Variants in FUNDC2 observed in about 807,000 individuals in gnomAD.
The protein encoded by FUNDC2 is FUN14 domain-containing protein 2.
A neutral mutation model predicts 15.6 loss-of-function variants in FUNDC2; 4 were observed. That is an observed-to-expected ratio of 0.26 (90% confidence interval 0.13 to 0.59). The LOEUF (loss-of-function observed/expected upper bound fraction) is 0.59, where lower values mean the gene tolerates loss of function less well. Ranked by LOEUF, FUNDC2 falls within the 20% of genes least tolerant of loss-of-function variation. The pLI, the probability that FUNDC2 is intolerant of heterozygous loss-of-function variation, is 0.90. For synonymous variants in FUNDC2, 44 were observed against 56.9 expected, an observed-to-expected ratio of 0.77 and a Z score of 1.02; for missense variants, 98 against 149.7, an observed-to-expected ratio of 0.65 and a Z score of 1.80.
chrX:155,033,912 T>C (rs1159803615), intron 2 of FUNDC2, among the ~76,000 whole-genome samples: 1 of 112,626 alleles, frequency 8.9e-6, no homozygotes, highest in Non-Finnish European at 1.9e-5. Context: ...TAACTACTTA[T>C]TAGCTATGTC....
chrX:155,043,393 G>A (rs902014302), intron 2 of FUNDC2, among the ~76,000 whole-genome samples: 2 of 111,734 alleles, frequency 1.8e-5, no homozygotes, highest in Non-Finnish European at 3.8e-5. Context: ...GTTTCTTTTA[G>A]TTTATTTTTT....
intron 1 of FUNDC2, among the ~76,000 whole-genome samples, chrX:155,032,280 CTTTTTTTTTTTT>C (rs200923469): frequency 1.6e-5 from 1 of 62,748 alleles, no homozygotes; most frequent in African/African-American, 6.6e-5. Flanking sequence ...CTGGTGCCTT[CTTTTTTTTTTTT>C]TTTTTTTTTT....
Position 155,054,710 on chromosome X carries a change from C to T in FUNDC2, c.*38C>T. On this transcript the variant is annotated 3_prime_UTR_variant, in exon 5 of 5. Transcript: ENST00000369498. ...CATGTTCATTGTTCCTGGTTTTTTCCAGCCAGCAGCCTCTACACTCCATCA... is the reference window on the plus strand; with the variant it reads ...CATGTTCATTGTTCCTGGTTTTTTCTAGCCAGCAGCCTCTACACTCCATCA... The T allele has an allele frequency of 4.6e-6, 5 of 1,087,920 alleles. No homozygotes were observed. The highest frequency in any genetic ancestry group is 6.4e-6 in the Non-Finnish European group (5 of 783,615). The allele number at this position is 1,087,920 out of a possible 1,213,427, so 89.7% of individuals were successfully genotyped here.
chrX:155,028,473 GT>G (rs2073803577), intron 1 of FUNDC2, among the ~76,000 whole-genome samples: 1 of 111,732 alleles, frequency 8.9e-6, no homozygotes, highest in African/African-American at 3.3e-5. Context: ...ATGTTTTGTT[GT>G]TACATTAGAA....
chrX:155,048,476 T>C (rs2073870147), intron 3 of FUNDC2, among the ~76,000 whole-genome samples: 1 of 112,415 alleles, frequency 8.9e-6, no homozygotes, highest in Non-Finnish European at 1.9e-5. Context: ...GTGACTCTGG[T>C]TTCTGTGTTC....
chrX:155,035,403 A>G (rs1447224809), intron 2 of FUNDC2, among the ~76,000 whole-genome samples: 1 of 112,162 alleles, frequency 8.9e-6, no homozygotes, highest in African/African-American at 3.2e-5. Context: ...TTTAATAAAT[A>G]GGTATATTAT....
intron 3 of FUNDC2, chrX:155,047,367 AG>A (rs2073865878): frequency 2.9e-6 from 1 of 342,547 alleles, no homozygotes; most frequent in Non-Finnish European, 5.9e-6. Flanking sequence ...CTCTTCCCAC[AG>A]TTGGCAACCC....
rs187402436 is a variant in FUNDC2, at chrX:155,056,385, A to G, written c.*1713A>G. On this transcript the variant is annotated 3_prime_UTR_variant, in exon 5 of 5. Transcript: ENST00000369498. Reference sequence around the variant, plus strand: ...CATATCAGACATTAACAGTAATTACATAATATCCAAAATCTGATCAGTGTT... The same window carrying G: ...CATATCAGACATTAACAGTAATTACGTAATATCCAAAATCTGATCAGTGTT... 1 of 112,045 alleles carries G rather than the reference A, an allele frequency of 8.9e-6. No individual in the cohort carries two copies. Among genetic ancestry groups the G allele is most frequent in the East Asian group, 2.8e-4 (1 of 3,591 alleles). The allele number at this position is 112,045 out of a possible 1,213,427, so 9.2% of individuals were successfully genotyped here.
intron 4 of FUNDC2, 64 bp downstream of exon 4, chrX:155,051,865 A>G: frequency 1.8e-6 from 2 of 1,084,236 alleles, no homozygotes; most frequent in Admixed American, 2.3e-5. Context: ...GCTTAACCCT[A>G]TTGTACCATA....
chrX:155,038,067 A>G (rs1396550522), intron 2 of FUNDC2, among the ~76,000 whole-genome samples: 1 of 108,716 alleles, frequency 9.2e-6, no homozygotes, highest in Admixed American at 9.9e-5. Flanking sequence ...TCTCTACAAA[A>G]AATAGAAAAA....
rs1557291110 is a variant in FUNDC2, at chrX:155,057,113, G to A, written c.*2441G>A. ...CTGTGACCACTTGGGATTGTGCAGA[G>A]CTGGCATGGAGGTTGAACACGCACA... On this transcript the variant is annotated 3_prime_UTR_variant, in exon 5 of 5. Coordinates refer to ENST00000369498, the MANE Select transcript of FUNDC2 (RefSeq NM_023934.4). 9.4e-6 allele frequency: 1 copy of A among 106,912 alleles called. No individual in the cohort carries two copies. The highest frequency in any genetic ancestry group is 3.8e-4 in the South Asian group (1 of 2,651). The allele number at this position is 106,912 out of a possible 1,213,427, so 8.8% of individuals were successfully genotyped here.
intron 1 of FUNDC2, among the ~76,000 whole-genome samples, chrX:155,030,656 G>T (rs1040658088): frequency 1.6e-4 from 17 of 107,029 alleles, no homozygotes; most frequent in Non-Finnish European, 3.8e-5. Context: ...TCAGATTGAA[G>T]AAATCCCTTT....
In FUNDC2 at chrX:155,058,556, A is replaced by C. The variant is rs1410805697; in HGVS notation, c.*3884A>C. On this transcript the variant is annotated 3_prime_UTR_variant, in exon 5 of 5. Coordinates refer to ENST00000369498, the MANE Select transcript of FUNDC2 (RefSeq NM_023934.4). Reference sequence around the variant, plus strand: ...AAGCTCACAGCCAGTTTTGGACCCCAGAGAAAAATGTGGCTGCTGCCCTCT... The same window carrying C: ...AAGCTCACAGCCAGTTTTGGACCCCCGAGAAAAATGTGGCTGCTGCCCTCT... 1 of 110,247 alleles carries C rather than the reference A, an allele frequency of 9.1e-6. No homozygotes were observed. Among genetic ancestry groups the C allele is most frequent in the Admixed American group, 9.7e-5 (1 of 10,326 alleles). The allele number at this position is 110,247 out of a possible 1,213,427, so 9.1% of individuals were successfully genotyped here. A position where few individuals can be genotyped will look rare whatever the true frequency, so the allele number is the denominator to read the frequency against.
Position 155,057,034 on chromosome X carries a change from CCT to C in FUNDC2, c.*2364_*2365del, listed in dbSNP as rs2073906022. On this transcript the variant is annotated 3_prime_UTR_variant, in exon 5 of 5. Coordinates refer to ENST00000369498, the MANE Select transcript of FUNDC2 (RefSeq NM_023934.4). ...GGTTGAGGTCAGTATTGCAGGTTGG[CCT>C]CATCCTGCTAGTATGAGAACGGCTG... 5 of 100,540 alleles carry C rather than the reference CCT, an allele frequency of 5.0e-5. 1 individual carries two copies. Among genetic ancestry groups the C allele is most frequent in the Admixed American group, 1.0e-4 (1 of 9,671 alleles). The allele number at this position is 100,540 out of a possible 1,213,427, so 8.3% of individuals were successfully genotyped here. A position where few individuals can be genotyped will look rare whatever the true frequency, so the allele number is the denominator to read the frequency against.
Position 155,054,683 on chromosome X carries a change from C to G in FUNDC2, c.*11C>G, listed in dbSNP as rs782604903. 1.7e-6 allele frequency: 2 copies of G among 1,194,515 alleles called. No homozygotes were observed. Among genetic ancestry groups the G allele is most frequent in the Non-Finnish European group, 2.3e-6 (2 of 880,215 alleles). On this transcript the variant is annotated 3_prime_UTR_variant, in exon 5 of 5. Transcript: ENST00000369498. Reference sequence around the variant, plus strand: ...GGCATGGCATCCTAAGGAAGATGACCTCATGTTCATTGTTCCTGGTTTTTT... The same window carrying G: ...GGCATGGCATCCTAAGGAAGATGACGTCATGTTCATTGTTCCTGGTTTTTT...
At chrX:155,044,917 A>C (rs1557289908) in intron 2 of FUNDC2, among the ~76,000 whole-genome samples, 2 of 112,311 alleles carry the variant, frequency 1.8e-5, no homozygotes, top group African/African-American at 6.5e-5. Flanking sequence ...TCTCATGTTC[A>C]GTGCAGCATT....
At position 155,058,846 on chromosome X, in the gene FUNDC2, G is replaced by C. The variant is rs782475652; in HGVS notation, c.*4174G>C. On this transcript the variant is annotated 3_prime_UTR_variant, in exon 5 of 5. Transcript: ENST00000369498. ...CTTTTTTTTTTAAAAGAAAAGTGTCGCACTTTTTCACATTTTTATAAAGCT... is the reference window on the plus strand; with the variant it reads ...CTTTTTTTTTTAAAAGAAAAGTGTCCCACTTTTTCACATTTTTATAAAGCT... 3 of 110,443 alleles carry C rather than the reference G, an allele frequency of 2.7e-5. No homozygotes were observed. The highest frequency in any genetic ancestry group is 9.9e-5 in the African/African-American group (3 of 30,348). The allele number at this position is 110,443 out of a possible 1,213,427, so 9.1% of individuals were successfully genotyped here. A position where few individuals can be genotyped will look rare whatever the true frequency, so the allele number is the denominator to read the frequency against.
rs193301371 is a variant in FUNDC2 at position 155,057,794 on chromosome X, G to A, written c.*3122G>A. The A allele has an allele frequency of 2.7e-5, 3 of 111,299 alleles. No individual in the cohort carries two copies. Among genetic ancestry groups the A allele is most frequent in the Non-Finnish European group, 5.7e-5 (3 of 52,993 alleles). 9.2% of individuals were successfully genotyped at this position (111,299 alleles called of 1,213,427 possible). ...GGACTTGGAGCATGCTACAGGAGAGGTAGAACTTTTGAGTCTCTTCTTCCC... is the reference window on the plus strand; with the variant it reads ...GGACTTGGAGCATGCTACAGGAGAGATAGAACTTTTGAGTCTCTTCTTCCC... On this transcript the variant is annotated 3_prime_UTR_variant, in exon 5 of 5. Transcript: ENST00000369498.
chrX:155,041,290 G>T (rs1040876973), intron 2 of FUNDC2, among the ~76,000 whole-genome samples: 7 of 111,166 alleles, frequency 6.3e-5, no homozygotes, highest in South Asian at 3.7e-4. Context: ...TTCCCCCTTT[G>T]TTTTCATTGC....
Sources: allele counts gnomAD v4.1 joint callset (sites outside exome capture counted in the v4.1 genomes callset), GRCh38; gene constraint gnomAD v4.1.1; transcripts MANE v1.5; gene names NCBI Gene and HGNC (gene_info 2026-07-23, HGNC 2026-07-21).